The following ZNF777 variants were observed in gnomAD, a reference collection of about 807,000 sequenced individuals.
ZNF777 encodes the protein zinc finger protein 777.
ZNF777 carries 7 observed loss-of-function variants against 72.1 expected under a neutral mutation model. The observed-to-expected ratio is 0.10, with a 90% confidence interval of 0.06 to 0.18. The LOEUF (loss-of-function observed/expected upper bound fraction) is 0.18, where lower values mean the gene tolerates loss of function less well. ZNF777 is among the 10% of genes least tolerant of loss of function. The probability of loss-of-function intolerance (pLI) is 1.00; values close to 1 mark genes in which losing one functional copy is unlikely to be tolerated. For synonymous variants in ZNF777, 545 were observed against 483.5 expected (o/e 1.13, Z -1.67); for missense variants, 828 against 1,128.6 (o/e 0.73, Z 3.82).
chr7:149,447,771 C>T (rs1799630112), intron 4 of ZNF777, among the ~76,000 whole-genome samples: 1 of 152,212 alleles, frequency 6.6e-6, no homozygotes, highest in African/African-American at 2.4e-5. Flanking sequence ...TTCTGACTTC[C>T]CAAACTCAAG....
Position 149,455,957 on chromosome 7 carries a change from C to T in ZNF777, c.66G>A (p.Gln22=). 1 of 1,612,584 alleles carries T rather than the reference C, an allele frequency of 6.2e-7. No individual in the cohort carries two copies. The highest frequency in any genetic ancestry group is 1.1e-5 in the South Asian group (1 of 90,978). The change falls in exon 2 of 6, where the codon CAG becomes CAA. Residue 22 remains glutamine, a synonymous_variant. Transcript: ENST00000247930. This position sits in a 1 kb window ranked among gnomAD's most constrained non-coding sequence, Gnocchi z 4.2. ...PSVPQEETLR[Q]APAGLPRETL... The stretch of plus-strand genomic sequence containing the variant: ...TTTCTCGGGGGAGTCCAGCAGGGGC[C>T]TGACGTAAGGTTTCTTCTTGTGGAA...
chr7:149,433,520 A>C (rs551619868), intron 5 of ZNF777, among the ~76,000 whole-genome samples: 1 of 152,132 alleles, frequency 6.6e-6, no homozygotes, highest in Non-Finnish European at 1.5e-5. Flanking sequence ...TTCTTAATCC[A>C]CTTGGAGATT....
At chr7:149,454,299 C>T in intron 2 of ZNF777, 62 bp from the exon 3 acceptor site, 2 of 1,603,118 alleles carry the variant, frequency 1.2e-6, no homozygotes, top group South Asian at 1.1e-5. Context: ...CCACGGCTGG[C>T]CAATCCCAAG....
chr7:149,431,609 G>A lies in ZNF777; in HGVS notation c.*167C>T. 1.4e-6 allele frequency: 1 copy of A among 716,940 alleles called. No individual in the cohort carries two copies. The highest frequency in any genetic ancestry group is 7.3e-5 in the East Asian group (1 of 13,782). The allele number at this position is 716,940 out of a possible 1,614,324, so 44.4% of individuals were successfully genotyped here. On this transcript the variant is annotated 3_prime_UTR_variant, in exon 6 of 6. Transcript: ENST00000247930. ...GGGAAACGCGGCAGCAAGGGACCTG[G>A]TCTCACTGCCCCCATGTCCTTGGGA...
chr7:149,449,405 G>T (rs1238074679), intron 4 of ZNF777, among the ~76,000 whole-genome samples: 1 of 152,158 alleles, frequency 6.6e-6, no homozygotes, highest in Non-Finnish European at 1.5e-5. Flanking sequence ...TTCAATTCTG[G>T]CCCCATTCTG....
Position 149,432,020 on chromosome 7 carries a change from G to C in ZNF777, c.2252C>G (p.Ala751Gly). The part of the protein sequence containing the change: ...CRVHSRERPH[A>G]CPECGKSFIR... ...GAAGCTCTTGCCGCACTCGGGGCAG[G>C]CGTGCGGCCGCTCGCGCGAGTGCAC... is the stretch of plus-strand genomic sequence containing the variant. Residue 751 changes from alanine to glycine, a missense_variant, in exon 6 of 6, where the codon GCC becomes GGC. Physicochemically the swap from Ala to Gly is moderately conservative, Grantham distance 60 (BLOSUM62 0). Coordinates refer to ENST00000247930, the MANE Select transcript of ZNF777 (RefSeq NM_015694.3). 1 of 1,608,180 alleles carries C rather than the reference G, an allele frequency of 6.2e-7. No homozygotes were observed. The highest frequency in any genetic ancestry group is 8.5e-7 in the Non-Finnish European group (1 of 1,179,378).
chr7:149,444,307 C>G (rs1191126191), intron 4 of ZNF777, among the ~76,000 whole-genome samples: 1 of 152,188 alleles, frequency 6.6e-6, no homozygotes, highest in Non-Finnish European at 1.5e-5. Flanking sequence ...AACTTAGCCC[C>G]AAACTCCCCC....
intron 5 of ZNF777, among the ~76,000 whole-genome samples, chr7:149,435,275 A>G (rs1037754042): frequency 2.6e-5 from 4 of 152,130 alleles, no homozygotes; most frequent in East Asian, 3.9e-4. Context: ...GCTTCAACCA[A>G]TCCTCCCACC....
chr7:149,443,743 C>T (rs1799562924), intron 4 of ZNF777, among the ~76,000 whole-genome samples: 1 of 152,100 alleles, frequency 6.6e-6, no homozygotes, highest in Admixed American at 6.5e-5. Context: ...CCACCACACC[C>T]AGCTATATAT....
intron 1 of ZNF777, chr7:149,459,671 G>A: frequency 1.0e-6 from 1 of 985,176 alleles, no homozygotes; most frequent in Non-Finnish European, 1.2e-6. Flanking sequence ...CGTGACCTTG[G>A]GGCCGGCAGG....
intron 3 of ZNF777, among the ~76,000 whole-genome samples, chr7:149,452,297 A>C (rs2116601368): frequency 6.6e-6 from 1 of 150,936 alleles, no homozygotes; most frequent in South Asian, 2.1e-4. Flanking sequence ...AAACAAAAAA[A>C]GATGCACAAG....
intron 4 of ZNF777, among the ~76,000 whole-genome samples, chr7:149,439,752 T>A (rs1799475571): frequency 6.6e-6 from 1 of 152,276 alleles, no homozygotes; most frequent in Non-Finnish European, 1.5e-5. Context: ...TCATTTCTAA[T>A]AACCACAGGT....
At position 149,432,681 on chromosome 7, in the gene ZNF777, C is replaced by T; in HGVS notation, c.1591G>A (p.Gly531Arg). ...TTCCGCTGCTGCTGGCTCGAGGCCC[C>T]GCGGTTCTCGCTCAGGTGCCGCTCA... ...HGERHLSENRGASSQQQRNRR... is the reference protein window; with the variant it reads ...HGERHLSENRRASSQQQRNRR... Residue 531 changes from glycine to arginine, a missense_variant, in exon 6 of 6, where the codon GGG (glycine) becomes AGG (arginine). By Grantham distance (125) the Gly-to-Arg change is moderately radical. Transcript: ENST00000247930. 1.2e-6 allele frequency: 2 copies of T among 1,612,904 alleles called. No individual in the cohort carries two copies. The highest frequency in any genetic ancestry group is 1.1e-5 in the South Asian group (1 of 91,012).
intron 4 of ZNF777, among the ~76,000 whole-genome samples, chr7:149,446,694 T>C (rs1799609230): frequency 6.6e-6 from 1 of 152,126 alleles, no homozygotes; most frequent in African/African-American, 2.4e-5. Context: ...ATCCCCATCT[T>C]AGGCAAACAA....
chr7:149,436,819 A>G lies in ZNF777; in HGVS notation c.1095T>C (p.Asp365=). The G allele has an allele frequency of 6.2e-7, 1 of 1,607,888 alleles. No homozygotes were observed. The highest frequency in any genetic ancestry group is 2.2e-5 in the East Asian group (1 of 44,632). The change falls in exon 5 of 6, where the codon GAT becomes GAC. Residue 365 remains aspartate (D), a synonymous_variant. Transcript: ENST00000247930. This position sits in a 1 kb window ranked among gnomAD's most constrained non-coding sequence, Gnocchi z 5.0. ...GTACCTCGATCTTAATCACGATCCC[A>G]TCGTGCGCTGAGAGAGGGTGGGCAG... The part of the protein sequence containing the change: ...ETPTDPSAAH[D]GIVIKIEVQT...
chr7:149,437,085 T>A (rs971823616), intron 4 of ZNF777, among the ~76,000 whole-genome samples: 4 of 152,006 alleles, frequency 2.6e-5, no homozygotes, highest in Non-Finnish European at 4.4e-5. Flanking sequence ...TAAAAAAAAA[T>A]ATTCAGCATT....
At chr7:149,448,552 CATATAGTT>C (rs1482915890) in intron 4 of ZNF777, among the ~76,000 whole-genome samples, 1 of 107,082 alleles carries the variant, frequency 9.3e-6, no homozygotes, top group South Asian at 2.8e-4. Flanking sequence ...TATAGTTATA[CATATAGTT>C]ATATAGTTAT....
At chr7:149,459,367 C>T (rs1386166635) in intron 1 of ZNF777, among the ~76,000 whole-genome samples, 2 of 152,336 alleles carry the variant, frequency 1.3e-5, no homozygotes, top group African/African-American at 4.8e-5. Flanking sequence ...GAGAAGCTTA[C>T]TCCCCAGACA....
At position 149,432,822 on chromosome 7, in the gene ZNF777, C is replaced by T; in HGVS notation, c.1450G>A (p.Ala484Thr). Residue 484 changes from alanine to threonine, a missense_variant, in exon 6 of 6, where the codon GCC becomes ACC. Physicochemically the swap from Ala to Thr is moderately conservative, Grantham distance 58. Transcript: ENST00000247930. ...SLGQLSGRYE[A>T]SMYQTPLPGE... Reference sequence around the variant, plus strand: ...GGCAGCGGGGTCTGGTACATACTGGCCTCATATCTCCCGGACAGCTGCCCA... The same window carrying T: ...GGCAGCGGGGTCTGGTACATACTGGTCTCATATCTCCCGGACAGCTGCCCA... 3 of 1,600,836 alleles carry T rather than the reference C, an allele frequency of 1.9e-6. No individual in the cohort carries two copies. Among genetic ancestry groups the T allele is most frequent in the Middle Eastern group, 3.3e-4 (2 of 6,006 alleles).
Sources: gnomAD v4.1 joint callset for allele counts (sites outside exome capture counted in the v4.1 genomes callset) on GRCh38, gnomAD v4.1.1 for gene constraint, Gnocchi (gnomAD v3.1) non-coding constraint, MANE v1.5 for transcripts, NCBI Gene and HGNC (gene_info 2026-07-23, HGNC 2026-07-21) for gene names.